The following NCKAP5 variants were observed in gnomAD, a reference collection of about 807,000 sequenced individuals.
NCKAP5 encodes the protein NCK associated protein 5, also known as nck-associated protein 5.
Under a neutral mutation model 167.0 loss-of-function variants are expected in NCKAP5, and 92 were observed. That is an observed-to-expected ratio of 0.55 (90% CI 0.47 to 0.66). The LOEUF (loss-of-function observed/expected upper bound fraction) is 0.66, where lower values mean the gene tolerates loss of function less well. Ranked by LOEUF, NCKAP5 falls within the 30% of genes least tolerant of loss-of-function variation. NCKAP5 has a pLI of 0.00. For synonymous variants in NCKAP5, 891 were observed against 877.4 expected, an observed-to-expected ratio of 1.02 and a Z score of -0.27; for missense variants, 2,378 against 2,315.0, an observed-to-expected ratio of 1.03 and a Z score of -0.56.
chr2:132,818,065 A>G (rs1686417648), intron 11 of NCKAP5, among the ~76,000 whole-genome samples: 1 of 152,198 alleles, frequency 6.6e-6, no homozygotes, highest in South Asian at 2.1e-4. Context: ...CCCATGCCTC[A>G]GCCTTCTGAG....
chr2:133,441,257 G>T (rs537117247), intron 3 of NCKAP5, among the ~76,000 whole-genome samples: 2 of 152,312 alleles, frequency 1.3e-5, no homozygotes, highest in East Asian at 3.9e-4. Flanking sequence ...CTAGGAAGAT[G>T]GAGTTGACGC....
intron 3 of NCKAP5, among the ~76,000 whole-genome samples, chr2:133,329,474 A>G (rs1320187116): frequency 6.6e-6 from 1 of 152,174 alleles, no homozygotes; most frequent in East Asian, 1.9e-4. Flanking sequence ...TGGTCTTCAT[A>G]AAGAATAGCC....
intron 16 of NCKAP5, among the ~76,000 whole-genome samples, chr2:132,745,786 G>T (rs1679587458): frequency 6.6e-6 from 1 of 151,940 alleles, no homozygotes; most frequent in South Asian, 2.1e-4. Flanking sequence ...AAAATCAATT[G>T]TATTAGTATG....
chr2:132,819,147 A>T (rs1256824261), intron 11 of NCKAP5, among the ~76,000 whole-genome samples: 1 of 151,964 alleles, frequency 6.6e-6, no homozygotes, highest in African/African-American at 2.4e-5. Flanking sequence ...CTGCTCCCCA[A>T]CCCTCTGTCT....
At chr2:133,080,543 G>A (rs2080766980) in intron 6 of NCKAP5, among the ~76,000 whole-genome samples, 3 of 152,164 alleles carry the variant, frequency 2.0e-5, no homozygotes, top group Non-Finnish European at 1.5e-5. Context: ...AATGGCAGAG[G>A]TGAATAGTTG....
chr2:133,047,405 AG>A (rs1490256322), intron 6 of NCKAP5, among the ~76,000 whole-genome samples: 1 of 152,252 alleles, frequency 6.6e-6, no homozygotes, highest in East Asian at 1.9e-4. Flanking sequence ...CATCCTTAAA[AG>A]TCTTCCTATG....
chr2:132,745,793 T>C (rs1679587958), intron 16 of NCKAP5, among the ~76,000 whole-genome samples: 1 of 152,016 alleles, frequency 6.6e-6, no homozygotes, highest in South Asian at 2.1e-4. Context: ...ATTGTATTAG[T>C]ATGTATTATA....
At chr2:133,317,730 C>T (rs1681718465) in intron 3 of NCKAP5, among the ~76,000 whole-genome samples, 1 of 152,226 alleles carries the variant, frequency 6.6e-6, no homozygotes, top group African/African-American at 2.4e-5. Context: ...TATAGAAAGA[C>T]ACTTAGCTTC....
intron 3 of NCKAP5, among the ~76,000 whole-genome samples, chr2:133,350,657 G>A (rs999919331): frequency 6.6e-6 from 1 of 152,034 alleles, no homozygotes; most frequent in Non-Finnish European, 1.5e-5. Flanking sequence ...TGGTAGTTTA[G>A]ATAATAAATT....
At chr2:133,383,064 A>T (rs58638927) in intron 3 of NCKAP5, among the ~76,000 whole-genome samples, 37,432 of 151,170 alleles carry the variant, frequency 0.25, 4,749 homozygotes, top group African/African-American at 0.26. Flanking sequence ...TGCTTTTTTT[A>T]AAAAAAATTT....
chr2:133,235,530 A>T (rs182213322), intron 4 of NCKAP5, among the ~76,000 whole-genome samples: 236 of 152,144 alleles, frequency 1.6e-3, no homozygotes, highest in Non-Finnish European at 3.0e-3. Context: ...TGAGCTTAGG[A>T]GTTCAAGACC....
intron 19 of NCKAP5, among the ~76,000 whole-genome samples, chr2:132,697,623 T>C (rs945967546): frequency 3.3e-5 from 5 of 151,728 alleles, no homozygotes; most frequent in Admixed American, 1.3e-4. Context: ...TTTTTTTCCA[T>C]GTCCTGAAGG....
chr2:132,726,364 C>T (rs1012022476), intron 18 of NCKAP5, among the ~76,000 whole-genome samples: 1 of 152,200 alleles, frequency 6.6e-6, no homozygotes, highest in African/African-American at 2.4e-5. Flanking sequence ...CTCACATGTA[C>T]ACATCACCTG....
intron 3 of NCKAP5, among the ~76,000 whole-genome samples, chr2:133,509,613 T>C (rs769235972): frequency 6.6e-5 from 10 of 152,234 alleles, no homozygotes; most frequent in Admixed American, 2.6e-4. Flanking sequence ...GAATATGACA[T>C]GGCCCATGCC....
At chr2:132,990,962 A>G (rs897316694) in intron 7 of NCKAP5, among the ~76,000 whole-genome samples, 2 of 152,212 alleles carry the variant, frequency 1.3e-5, no homozygotes, top group African/African-American at 4.8e-5. Flanking sequence ...GAATTAATGG[A>G]AAGAGCTCTA....
intron 6 of NCKAP5, among the ~76,000 whole-genome samples, chr2:133,096,682 T>C (rs1249317877): frequency 6.6e-6 from 1 of 152,180 alleles, no homozygotes. Flanking sequence ...GTTGAGTTTA[T>C]CTTCCATGAG....
chr2:133,297,451 A>G (rs946768740), intron 4 of NCKAP5, among the ~76,000 whole-genome samples: 1 of 152,178 alleles, frequency 6.6e-6, no homozygotes, highest in Non-Finnish European at 1.5e-5. Context: ...GAGATAGATT[A>G]TAGGTCTATT....
intron 11 of NCKAP5, among the ~76,000 whole-genome samples, chr2:132,825,689 C>T (rs1687076369): frequency 6.6e-6 from 1 of 152,188 alleles, no homozygotes. Flanking sequence ...CACTGTTGCT[C>T]ACGCTCCATT....
At chr2:132,913,221 C>G (rs1694594680) in intron 8 of NCKAP5, among the ~76,000 whole-genome samples, 1 of 152,024 alleles carries the variant, frequency 6.6e-6, no homozygotes, top group South Asian at 2.1e-4. Context: ...TCAGTCCACA[C>G]AGAAATGTTA....
Sources: allele counts gnomAD v4.1 joint callset (sites outside exome capture counted in the v4.1 genomes callset), GRCh38; gene constraint gnomAD v4.1.1; transcripts MANE v1.5; gene names NCBI Gene and HGNC (gene_info 2026-07-23, HGNC 2026-07-21).